ANK2: variants seen among roughly 807,000 people sequenced by gnomAD.
ANK2 encodes the protein ankyrin 2, also known as ankyrin-2.
In ANK2, 83 loss-of-function variants were observed where a neutral mutation model predicts 360.5. The ratio of observed to expected loss-of-function variants is 0.23; its 90% CI spans 0.19 to 0.28. ANK2 has a LOEUF of 0.28. ANK2 is among the 10% of genes least tolerant of loss of function. The pLI is 1.00. For synonymous variants in ANK2, 1,740 were observed against 1,759.5 expected (o/e 0.99, Z 0.28); for missense variants, 4,201 against 4,795.7 (o/e 0.88, Z 3.66).
At chr4:113,266,632 C>T (rs1418187970) in intron 14 of ANK2, among the ~76,000 whole-genome samples, 2 of 152,190 alleles carry the variant, frequency 1.3e-5, no homozygotes, top group African/African-American at 2.4e-5. Flanking sequence ...AATCCCAGCA[C>T]TTTGGAAGGC....
rs117938046 is a variant in ANK2 at position 113,164,348 on chromosome 4, G to A, written c.85-10068G>A. Reference sequence around the variant, plus strand: ...ACTAAGATCAACAGTGTGAGAAAATGTACCATGATAGAAAAATATATGCAA... The same window carrying A: ...ACTAAGATCAACAGTGTGAGAAAATATACCATGATAGAAAAATATATGCAA... On this transcript the variant is annotated intron_variant, in intron 1 of 45. Coordinates refer to ENST00000357077, the MANE Select transcript of ANK2 (RefSeq NM_001148.6). 3.9e-3 allele frequency among the ~76,000 whole-genome samples: 589 copies of A among 152,340 alleles called. 14 individuals are homozygous for A. The highest frequency in any genetic ancestry group is 0.011 in the East Asian group (55 of 5,190).
At chr4:112,886,802 C>A (rs2078531383) in intron 1 of ANK2, among the ~76,000 whole-genome samples, 1 of 152,106 alleles carries the variant, frequency 6.6e-6, no homozygotes, top group Non-Finnish European at 1.5e-5. Flanking sequence ...TAAAGGAAGA[C>A]CACATAGTCC....
intron 4 of ANK2, among the ~76,000 whole-genome samples, chr4:113,219,145 T>C (rs2099120546): frequency 6.6e-6 from 1 of 152,136 alleles, no homozygotes; most frequent in African/African-American, 2.4e-5. Flanking sequence ...CTGAGCAAAT[T>C]ATACTACATA....
At chr4:113,337,228 T>G (rs1424494179) in intron 31 of ANK2, among the ~76,000 whole-genome samples, 12 of 152,232 alleles carry the variant, frequency 7.9e-5, no homozygotes, top group Non-Finnish European at 1.2e-4. Context: ...TACCCAATAG[T>G]TCAAACCAAA....
At chr4:113,365,995 T>C (rs1305063241) in intron 41 of ANK2, among the ~76,000 whole-genome samples, 1 of 152,208 alleles carries the variant, frequency 6.6e-6, no homozygotes, top group East Asian at 1.9e-4. Flanking sequence ...TTCCTGCAAG[T>C]ATCCCTTTTG....
chr4:112,877,303 C>G (rs573429048), intron 1 of ANK2, among the ~76,000 whole-genome samples: 1 of 152,212 alleles, frequency 6.6e-6, no homozygotes, highest in Non-Finnish European at 1.5e-5. Context: ...GGAGAATGTT[C>G]TGCTGTCTGC....
chr4:113,318,388 T>C (rs1326975915), intron 25 of ANK2, 129 bp from the exon 26 acceptor site: 3 of 722,686 alleles, frequency 4.2e-6, no homozygotes, highest in Non-Finnish European at 7.3e-6. Flanking sequence ...AATACATTGG[T>C]TTTATATTTT....
At position 113,373,381 on chromosome 4, in the gene ANK2, G is replaced by A. The variant is rs45454496; in HGVS notation, c.11791G>A (p.Glu3931Lys). 3.4e-3 allele frequency: 5,535 copies of A among 1,614,190 alleles called. 21 individuals carry two copies. Among genetic ancestry groups the A allele is most frequent in the Middle Eastern group, 5.4e-3 (33 of 6,062 alleles). Residue 3931 changes from glutamate to lysine, a missense_variant, in exon 45 of 46, where the codon GAG (glutamate) becomes AAG (lysine). Around this residue, in one of 4 missense-constraint regions of ANK2, gnomAD observed 2,642 missense variants for 2,714.5 expected, o/e 0.97. Transcript: ENST00000357077. ...QGMPQEPVNIEEGDGYSKVIK... is the reference protein window; with the variant it reads ...QGMPQEPVNIKEGDGYSKVIK... ...AATGCCACAGGAACCTGTCAACATC[G>A]AGGAAGGGGATGGCTATTCCAAAGT...
At chr4:113,295,850 A>C (rs1295531047) in intron 22 of ANK2, among the ~76,000 whole-genome samples, 1 of 152,094 alleles carries the variant, frequency 6.6e-6, no homozygotes, top group Non-Finnish European at 1.5e-5. Flanking sequence ...GGTTTCTCTT[A>C]TAATTGTGAG....
intron 45 of ANK2, chr4:113,378,113 C>T: frequency 7.8e-7 from 1 of 1,275,592 alleles, no homozygotes; most frequent in South Asian, 1.2e-5. Flanking sequence ...CAGGTAGCCA[C>T]ATGAAAGTCC....
intron 4 of ANK2, among the ~76,000 whole-genome samples, chr4:113,201,077 G>A (rs755508538): frequency 9.2e-5 from 14 of 151,810 alleles, no homozygotes; most frequent in Non-Finnish European, 1.3e-4. Context: ...TTGACGTAAC[G>A]ATTTCTTTTC....
chr4:112,955,909 T>C (rs2095308637), intron 2 of ANK2, among the ~76,000 whole-genome samples: 1 of 152,212 alleles, frequency 6.6e-6, no homozygotes, highest in South Asian at 2.1e-4. Flanking sequence ...TGCTTATCAA[T>C]CACCTACTAT....
intron 1 of ANK2, among the ~76,000 whole-genome samples, chr4:112,876,770 T>TTA (rs561286089): frequency 4.1e-4 from 62 of 152,252 alleles, no homozygotes; most frequent in South Asian, 1.0e-3. Flanking sequence ...CAAGGAAATA[T>TTA]TACACCCAAT....
chr4:112,780,533 A>T, the ANK2 span, among the ~76,000 whole-genome samples: 1 of 152,326 alleles, frequency 6.6e-6, no homozygotes, highest in African/African-American at 2.4e-5. Context: ...ATATTAATTT[A>T]ATGTATAATA....
intron 1 of ANK2, among the ~76,000 whole-genome samples, chr4:112,892,876 T>C (rs2080498969): frequency 6.6e-6 from 1 of 152,208 alleles, no homozygotes; most frequent in South Asian, 2.1e-4. Context: ...ACTCCAAGTA[T>C]TTTGCTTCTT....
At chr4:113,375,575 A>G (rs2154078959) in intron 45 of ANK2, among the ~76,000 whole-genome samples, 1 of 152,102 alleles carries the variant, frequency 6.6e-6, no homozygotes, top group South Asian at 2.1e-4. Flanking sequence ...AATACAAAAA[A>G]TTAGCCAGGC....
intron 26 of ANK2, chr4:113,323,622 C>T (rs188738461): frequency 2.7e-6 from 2 of 753,158 alleles, no homozygotes; most frequent in African/African-American, 1.8e-5. Flanking sequence ...TCTTCTCGAC[C>T]TATATCTCAT....
intron 24 of ANK2, among the ~76,000 whole-genome samples, chr4:113,315,593 T>G (rs756995176): frequency 6.6e-6 from 1 of 151,996 alleles, no homozygotes; most frequent in African/African-American, 2.4e-5. Flanking sequence ...TAAAGGTGAA[T>G]AGAATTTAAG....
chr4:113,311,142 A>G (rs765664828), intron 23 of ANK2, 113 bp from the exon 24 acceptor site: 8 of 1,321,962 alleles, frequency 6.1e-6, no homozygotes, highest in Admixed American at 5.1e-5. Context: ...TGTGCAGTGC[A>G]GTTTCATCAA....
Sources: gnomAD v4.1 joint callset for allele counts (sites outside exome capture counted in the v4.1 genomes callset) on GRCh38, gnomAD v4.1.1 for gene constraint, gnomAD v4.1.1 regional missense constraint, MANE v1.5 for transcripts, NCBI Gene and HGNC (gene_info 2026-07-23, HGNC 2026-07-21) for gene names.